ATP2B4: variants seen among roughly 807,000 people sequenced by gnomAD.
ATP2B4 encodes the protein ATPase plasma membrane Ca2+ transporting 4, also known as plasma membrane calcium-transporting ATPase 4.
ATP2B4 carries 39 observed loss-of-function variants against 110.3 expected under a neutral mutation model. That is an observed-to-expected ratio of 0.35 (90% confidence interval 0.27 to 0.46). The LOEUF (loss-of-function observed/expected upper bound fraction) is 0.46, where lower values mean the gene tolerates loss of function less well. ATP2B4 is among the 20% of genes least tolerant of loss of function. The pLI, the probability that ATP2B4 is intolerant of heterozygous loss-of-function variation, is 1.00. For missense variants in ATP2B4, 1,135 were observed against 1,530.9 expected (o/e 0.74, Z 4.32); for synonymous variants, 538 against 571.7 (o/e 0.94, Z 0.84).
chr1:203,651,803 A>G (rs1485290558), intron 1 of ATP2B4, among the ~76,000 whole-genome samples: 1 of 151,866 alleles, frequency 6.6e-6, no homozygotes, highest in African/African-American at 2.4e-5. Flanking sequence ...CATGCCTGTA[A>G]TCCCAGCACT....
chr1:203,654,707 A>G (rs1465433335), intron 1 of ATP2B4, among the ~76,000 whole-genome samples: 2 of 151,918 alleles, frequency 1.3e-5, no homozygotes, highest in East Asian at 3.9e-4. Flanking sequence ...CTGGCAACAC[A>G]GGGGGACCCT....
chr1:203,637,796 G>A (rs1663502258), intron 1 of ATP2B4, among the ~76,000 whole-genome samples: 2 of 152,210 alleles, frequency 1.3e-5, no homozygotes, highest in Admixed American at 1.3e-4. Flanking sequence ...TCTATAGTCT[G>A]CTTTTCTTGT....
At chr1:203,662,553 T>G (rs942334197) in intron 1 of ATP2B4, among the ~76,000 whole-genome samples, 5 of 152,214 alleles carry the variant, frequency 3.3e-5, no homozygotes, top group Admixed American at 3.3e-4. Context: ...ATGAATAGAA[T>G]TATACTGTAT....
At chr1:203,699,315 G>A in intron 3 of ATP2B4, 145 bp from the exon 4 acceptor site, 1 of 1,116,538 alleles carries the variant, frequency 9.0e-7, no homozygotes, top group African/African-American at 1.6e-5. Context: ...GCTATCCTCT[G>A]ATATCCTCTT....
intron 7 of ATP2B4, among the ~76,000 whole-genome samples, chr1:203,703,181 G>GAGAT (rs1255901196): frequency 6.6e-6 from 1 of 152,002 alleles, no homozygotes; most frequent in African/African-American, 2.4e-5. Context: ...GAGAGAGAGA[G>GAGAT]AGAGAGAGAG....
chr1:203,725,490 A>G (rs1480949099), intron 19 of ATP2B4, among the ~76,000 whole-genome samples: 1 of 152,204 alleles, frequency 6.6e-6, no homozygotes, highest in African/African-American at 2.4e-5. Flanking sequence ...TGGGCAAGTT[A>G]CATAACCAAT....
intron 20 of ATP2B4, among the ~76,000 whole-genome samples, chr1:203,738,209 A>T (rs984674741): frequency 1.3e-5 from 2 of 151,776 alleles, no homozygotes; most frequent in African/African-American, 4.8e-5. Context: ...CCACCTTCCA[A>T]CAACTAGAAC....
intron 2 of ATP2B4, among the ~76,000 whole-genome samples, chr1:203,692,347 T>C (rs1184144758): frequency 6.6e-6 from 1 of 152,118 alleles, no homozygotes; most frequent in African/African-American, 2.4e-5. Flanking sequence ...CCAGCTAATT[T>C]TTTTTATTAT....
At chr1:203,649,957 T>C (rs998464255) in intron 1 of ATP2B4, among the ~76,000 whole-genome samples, 1 of 152,162 alleles carries the variant, frequency 6.6e-6, no homozygotes, top group Non-Finnish European at 1.5e-5. Context: ...CTCCCCTTCT[T>C]CCAGAGCTGC....
intron 2 of ATP2B4, 74 bp from the exon 3 acceptor site, chr1:203,698,082 CT>C (rs774458724): frequency 1.6e-4 from 215 of 1,311,248 alleles, no homozygotes; most frequent in Non-Finnish European, 2.2e-4. Flanking sequence ...TCATGGCTCA[CT>C]GCCACTTCAA....
At chr1:203,721,487 C>G (rs1666321789) in intron 17 of ATP2B4, 77 bp downstream of exon 17, 2 of 1,438,410 alleles carry the variant, frequency 1.4e-6, no homozygotes, top group Admixed American at 1.7e-5. Context: ...AGCGTGAGAG[C>G]AAGTGCACAG....
Position 203,722,661 on chromosome 1 carries a change from C to T in ATP2B4, c.2996C>T (p.Ser999Phe). The change falls in exon 18 of 21, where the codon TCT becomes TTT. Residue 999 changes from serine (S) to phenylalanine (F), a missense_variant. Transcript: ENST00000357681. ...ATCTACCGCAACATTATCTTCTGCT[C>T]TGTAGTCTTGGGCACATTCATCTGC... ...SGIYRNIIFC[S>F]VVLGTFICQI... 1.9e-6 allele frequency: 3 copies of T among 1,614,188 alleles called. No individual in the cohort carries two copies. The highest frequency in any genetic ancestry group is 2.2e-5 in the East Asian group (1 of 44,886).
chr1:203,645,167 A>G (rs1315099115), intron 1 of ATP2B4, among the ~76,000 whole-genome samples: 1 of 152,198 alleles, frequency 6.6e-6, no homozygotes, highest in African/African-American at 2.4e-5. Flanking sequence ...TGCTATAAAC[A>G]GTTGTGTTTC....
At chr1:203,719,621 AG>A (rs1364852561) in intron 15 of ATP2B4, among the ~76,000 whole-genome samples, 2 of 151,894 alleles carry the variant, frequency 1.3e-5, no homozygotes, top group East Asian at 3.9e-4. Context: ...GAGGCAGGAG[AG>A]GAGACTCGCT....
rs139017970 is a variant in ATP2B4, at chr1:203,726,525, C to T, written c.3133-870C>T. Among the ~76,000 whole-genome samples, 408 of 152,084 alleles carry T rather than the reference C, an allele frequency of 2.7e-3. 3 individuals carry two copies. The highest frequency in any genetic ancestry group is 4.1e-3 in the South Asian group (20 of 4,822). ...TTTGAAACTCTGTTCTGGCTCTTGC[C>T]TCACATGTGGCCATGTGGCCTTGCT... is the stretch of plus-strand genomic sequence containing the variant. On this transcript the variant is annotated intron_variant, in intron 19 of 20. Transcript: ENST00000357681.
intron 1 of ATP2B4, among the ~76,000 whole-genome samples, chr1:203,630,002 C>T (rs1020112385): frequency 2.0e-5 from 3 of 152,230 alleles, no homozygotes; most frequent in African/African-American, 4.8e-5. Context: ...GGAAAGCCTG[C>T]TCTCCACGGT....
intron 2 of ATP2B4, among the ~76,000 whole-genome samples, chr1:203,691,146 G>A (rs1024863736): frequency 3.3e-5 from 5 of 152,172 alleles, no homozygotes; most frequent in Non-Finnish European, 5.9e-5. Flanking sequence ...CCCCAACCTG[G>A]AAGCAGGAGG....
chr1:203,709,199 G>A (rs1665934047), intron 10 of ATP2B4, 102 bp from the exon 11 acceptor site: 1 of 1,460,776 alleles, frequency 6.8e-7, no homozygotes, highest in Non-Finnish European at 9.4e-7. Context: ...ATGAGCTCCA[G>A]GTATATAATG....
chr1:203,641,927 T>C (rs1419894980), intron 1 of ATP2B4, among the ~76,000 whole-genome samples: 1 of 152,184 alleles, frequency 6.6e-6, no homozygotes, highest in Non-Finnish European at 1.5e-5. Flanking sequence ...TAAAAAGTTA[T>C]TTAGTGGATT....
Sources: gnomAD v4.1 joint callset for allele counts (sites outside exome capture counted in the v4.1 genomes callset) on GRCh38, gnomAD v4.1.1 for gene constraint, MANE v1.5 for transcripts, NCBI Gene and HGNC (gene_info 2026-07-23, HGNC 2026-07-21) for gene names.